The following EAF2 variants were observed in gnomAD, a reference collection of about 807,000 sequenced individuals.
EAF2 encodes ELL-associated factor 2.
Under a neutral mutation model 29.4 loss-of-function variants are expected in EAF2, and 29 were observed. That is an observed-to-expected ratio of 0.99 (90% CI 0.73 to 1.35). The LOEUF (loss-of-function observed/expected upper bound fraction) is 1.35. EAF2 is among the 40% of genes most tolerant of loss of function. EAF2 has a pLI of 0.00. For missense variants in EAF2, 292 were observed against 312.0 expected, an observed-to-expected ratio of 0.94 and a Z score of 0.48; for synonymous variants, 103 against 102.5, an observed-to-expected ratio of 1.00 and a Z score of -0.03.
At chr3:121,872,175 T>C (rs1469978446) in intron 4 of EAF2, among the ~76,000 whole-genome samples, 2 of 151,934 alleles carry the variant, frequency 1.3e-5, no homozygotes, top group Non-Finnish European at 2.9e-5. Context: ...TTATATTATA[T>C]GTATTTAAAG....
intron 2 of EAF2, among the ~76,000 whole-genome samples, chr3:121,851,507 T>A (rs1304203799): frequency 6.6e-6 from 1 of 152,200 alleles, no homozygotes; most frequent in Non-Finnish European, 1.5e-5. Context: ...TTTACAGTTT[T>A]GTCTTTTGGT....
At chr3:121,840,755 G>A (rs777663006) in intron 1 of EAF2, among the ~76,000 whole-genome samples, 28 of 127,618 alleles carry the variant, frequency 2.2e-4, no homozygotes, top group Non-Finnish European at 3.5e-4. Context: ...GCAGTGAGCC[G>A]AGATCTCGCC....
In EAF2 at chr3:121,872,706, C is replaced by T; in HGVS notation, c.654C>T (p.Thr218=). ...DTGNCVSGHP[T]MTQYRIPDID... The stretch of plus-strand genomic sequence containing the variant: ...GGAATTGTGTCTCAGGACATCCTAC[C>T]ATGACACAGTACAGGATTCCTGATA... The change falls in exon 5 of 6, where the codon ACC becomes ACT. Residue 218 remains threonine (T), a synonymous_variant. Coordinates refer to ENST00000273668, the MANE Select transcript of EAF2 (RefSeq NM_018456.6). 1 of 1,612,842 alleles carries T rather than the reference C, an allele frequency of 6.2e-7. No homozygotes were observed. The highest frequency in any genetic ancestry group is 8.5e-7 in the Non-Finnish European group (1 of 1,179,194).
At chr3:121,857,992 CGT>C (rs1237910965) in intron 4 of EAF2, among the ~76,000 whole-genome samples, 2 of 152,184 alleles carry the variant, frequency 1.3e-5, no homozygotes, top group African/African-American at 4.8e-5. Context: ...CTACAAAGGA[CGT>C]GAACACATCC....
intron 1 of EAF2, chr3:121,836,782 T>C: frequency 1.0e-6 from 1 of 987,536 alleles, no homozygotes; most frequent in Non-Finnish European, 1.2e-6. Flanking sequence ...TCTCCTTTTC[T>C]CTTCCTTCTC....
chr3:121,855,914 T>C (rs1026103740), intron 3 of EAF2, among the ~76,000 whole-genome samples: 1 of 152,218 alleles, frequency 6.6e-6, no homozygotes, highest in African/African-American at 2.4e-5. Flanking sequence ...CAGTTTTGTT[T>C]TAAAACATTA....
At chr3:121,850,340 T>TC (rs1293053264) in intron 2 of EAF2, among the ~76,000 whole-genome samples, 1 of 152,024 alleles carries the variant, frequency 6.6e-6, no homozygotes, top group Non-Finnish European at 1.5e-5. Context: ...GATTTTTTTT[T>TC]CATTGCTTTT....
At chr3:121,862,550 T>C (rs1708851728) in intron 4 of EAF2, among the ~76,000 whole-genome samples, 1 of 152,226 alleles carries the variant, frequency 6.6e-6, no homozygotes, top group South Asian at 2.1e-4. Flanking sequence ...TCTATGCTGT[T>C]TATTCTAGTT....
intron 2 of EAF2, among the ~76,000 whole-genome samples, chr3:121,853,426 T>A (rs1348120620): frequency 6.6e-6 from 1 of 152,200 alleles, no homozygotes; most frequent in Non-Finnish European, 1.5e-5. Context: ...TTTTTTAATT[T>A]ATCTTTTTTA....
At chr3:121,858,891 T>C (rs1010979055) in intron 4 of EAF2, among the ~76,000 whole-genome samples, 1 of 152,234 alleles carries the variant, frequency 6.6e-6, no homozygotes, top group Non-Finnish European at 1.5e-5. Flanking sequence ...TACATACGGC[T>C]AGCCAGTTTT....
intron 5 of EAF2, among the ~76,000 whole-genome samples, chr3:121,881,840 C>T (rs1296318787): frequency 2.0e-5 from 3 of 151,948 alleles, no homozygotes; most frequent in South Asian, 2.1e-4. Flanking sequence ...AAAATTTATT[C>T]CAGTAAATTT....
At chr3:121,840,430 G>A (rs1292667334) in intron 1 of EAF2, among the ~76,000 whole-genome samples, 2 of 138,604 alleles carry the variant, frequency 1.4e-5, no homozygotes, top group Non-Finnish European at 3.1e-5. Context: ...GGCGGAGATT[G>A]TAGTGGGCCA....
intron 2 of EAF2, among the ~76,000 whole-genome samples, chr3:121,848,125 A>G (rs1708561816): frequency 6.6e-6 from 1 of 152,210 alleles, no homozygotes; most frequent in African/African-American, 2.4e-5. Context: ...TGAATTAGCC[A>G]ATTTGTAAAT....
At chr3:121,875,235 A>G (rs1371670377) in intron 5 of EAF2, among the ~76,000 whole-genome samples, 1 of 151,808 alleles carries the variant, frequency 6.6e-6, no homozygotes, top group Non-Finnish European at 1.5e-5. Context: ...GATAAATAAT[A>G]AAAGGAGACT....
At chr3:121,854,937 A>C in intron 3 of EAF2, 114 bp downstream of exon 3, 1 of 1,070,680 alleles carries the variant, frequency 9.3e-7, no homozygotes, top group African/African-American at 1.7e-5. Context: ...GTGGTACAAA[A>C]ATGTTTTAAT....
intron 1 of EAF2, among the ~76,000 whole-genome samples, chr3:121,838,357 A>G (rs1164956418): frequency 6.6e-6 from 1 of 152,160 alleles, no homozygotes; most frequent in Non-Finnish European, 1.5e-5. Context: ...TTGGAAGAGA[A>G]TATGTTTGAC....
intron 5 of EAF2, among the ~76,000 whole-genome samples, chr3:121,876,958 C>T (rs540205427): frequency 1.2e-4 from 18 of 151,344 alleles, no homozygotes; most frequent in Admixed American, 4.6e-4. Flanking sequence ...TTTTTTAAAA[C>T]GCCATATGCT....
intron 5 of EAF2, among the ~76,000 whole-genome samples, chr3:121,880,770 G>C (rs896153885): frequency 1.3e-5 from 2 of 152,010 alleles, no homozygotes; most frequent in African/African-American, 4.8e-5. Context: ...CGTTTAATAA[G>C]AATGGTGAGA....
chr3:121,842,413 A>G (rs1708452941), intron 1 of EAF2, among the ~76,000 whole-genome samples: 2 of 152,282 alleles, frequency 1.3e-5, no homozygotes, highest in South Asian at 2.1e-4. Flanking sequence ...TGACATTGAT[A>G]TATCTTGGCC....
Sources: gnomAD v4.1 joint callset for allele counts (sites outside exome capture counted in the v4.1 genomes callset) on GRCh38, gnomAD v4.1.1 for gene constraint, MANE v1.5 for transcripts, NCBI Gene and HGNC (gene_info 2026-07-23, HGNC 2026-07-21) for gene names.